The following CFAP20DC variants were observed in gnomAD, a reference collection of about 807,000 sequenced individuals.
CFAP20DC encodes the protein protein CFAP20DC.
A neutral mutation model predicts 101.7 loss-of-function variants in CFAP20DC; 84 were observed. The ratio of observed to expected loss-of-function variants is 0.83; its 90% CI spans 0.69 to 0.99. The LOEUF is 0.99. Among genes scored for constraint, CFAP20DC ranks in the 50% least tolerant of loss-of-function variants. The pLI is 0.00. For synonymous variants in CFAP20DC, 359 were observed against 351.2 expected, an observed-to-expected ratio of 1.02 and a Z score of -0.25; for missense variants, 1,007 against 970.3, an observed-to-expected ratio of 1.04 and a Z score of -0.50.
In CFAP20DC at chr3:58,919,887, T is replaced by C. The variant is rs145436969; in HGVS notation, c.394-6023A>G. Among the ~76,000 whole-genome samples, 77 of 152,214 alleles carry C rather than the reference T, an allele frequency of 5.1e-4. 1 individual carries two copies. Among genetic ancestry groups the C allele is most frequent in the African/African-American group, 1.8e-3 (76 of 41,562 alleles). ...ACTCTGCTAAACTCATTTACTCTAG[T>C]AGGTTGTTTTGTTTTTATAGATTCC... is the stretch of plus-strand genomic sequence containing the variant. On this transcript the variant is annotated intron_variant, in intron 5 of 16. Transcript: ENST00000482387.
chr3:58,841,281 G>A (rs139799169), intron 13 of CFAP20DC, among the ~76,000 whole-genome samples: 118 of 152,246 alleles, frequency 7.8e-4, no homozygotes, highest in African/African-American at 2.6e-3. Context: ...CAAACAATGG[G>A]GTATTGTTGG....
At chr3:58,812,221 C>T (rs563289840) in intron 14 of CFAP20DC, among the ~76,000 whole-genome samples, 2 of 151,994 alleles carry the variant, frequency 1.3e-5, no homozygotes, top group African/African-American at 4.8e-5. Context: ...ACCCAAAGGA[C>T]TATAAATCAT....
intron 16 of CFAP20DC, 158 bp downstream of exon 16, chr3:58,753,611 T>C: frequency 1.7e-6 from 1 of 594,030 alleles, no homozygotes; most frequent in Non-Finnish European, 3.0e-6. Flanking sequence ...AAAGAACCCA[T>C]TATTCTAAAA....
intron 15 of CFAP20DC, among the ~76,000 whole-genome samples, chr3:58,775,495 C>T (rs2071242215): frequency 6.6e-6 from 1 of 152,044 alleles, no homozygotes; most frequent in African/African-American, 2.4e-5. Flanking sequence ...CAAATAGTTT[C>T]ATTATGAAAA....
intron 4 of CFAP20DC, among the ~76,000 whole-genome samples, chr3:58,954,631 C>G (rs2090457832): frequency 6.6e-6 from 1 of 152,158 alleles, no homozygotes. Flanking sequence ...CTTACACATT[C>G]ATTCTAATGT....
At chr3:59,030,730 G>T (rs538496791) in intron 4 of CFAP20DC, among the ~76,000 whole-genome samples, 1 of 152,218 alleles carries the variant, frequency 6.6e-6, no homozygotes, top group African/African-American at 2.4e-5. Flanking sequence ...GGTTGACTCA[G>T]ATATCAACTG....
chr3:58,840,676 G>A (rs950636557), intron 13 of CFAP20DC, among the ~76,000 whole-genome samples: 36 of 152,194 alleles, frequency 2.4e-4, no homozygotes, highest in African/African-American at 8.7e-4. Flanking sequence ...AATTTGAGAA[G>A]GTTTCATTTG....
rs563829934 is a variant in CFAP20DC at position 58,828,704 on chromosome 3, C to G, written c.2175+2982G>C. The stretch of plus-strand genomic sequence containing the variant: ...AAAAGTAACTATTGGGTACTATGCT[C>G]AATACCTGCATGAATGAATCATTTG... On this transcript the variant is annotated intron_variant, in intron 14 of 16. Transcript: ENST00000482387. 6.8e-4 allele frequency among the ~76,000 whole-genome samples: 104 copies of G among 152,008 alleles called. No homozygotes were observed. The Middle Eastern group carries it at 0.01, about 15-fold the overall frequency.
chr3:58,896,081 C>T lies in CFAP20DC; in HGVS notation c.551-11372G>A, dbSNP rs115451867. ...TGCTTCAATTTCAGAACTTGTTATT[C>T]GCCTGTTCAGTGACTCAATTTCTTC... On this transcript the variant is annotated intron_variant, in intron 6 of 16. Coordinates refer to ENST00000482387, the MANE Select transcript of CFAP20DC (RefSeq NM_001394063.1). Among the ~76,000 whole-genome samples the T allele has an allele frequency of 3.7e-3, 566 of 152,250 alleles. 5 individuals are homozygous for T. The highest frequency in any genetic ancestry group is 0.013 in the African/African-American group (531 of 41,548).
chr3:58,834,195 T>C (rs1172599589), intron 13 of CFAP20DC, among the ~76,000 whole-genome samples: 2 of 152,178 alleles, frequency 1.3e-5, no homozygotes, highest in African/African-American at 4.8e-5. Context: ...TTTTATGGCA[T>C]ACAAATTATA....
Position 58,879,860 on chromosome 3 carries a change from G to A in CFAP20DC, c.715+4685C>T, listed in dbSNP as rs993100588. 5.3e-5 allele frequency among the ~76,000 whole-genome samples: 8 copies of A among 151,916 alleles called. No individual in the cohort carries two copies. The South Asian group carries it at 8.3e-4, about 16-fold the overall frequency. ...TCATACTCATATAGTGTAGATAACCGTATATTATGTATTTCCCTATTAAAC... is the reference window on the plus strand; with the variant it reads ...TCATACTCATATAGTGTAGATAACCATATATTATGTATTTCCCTATTAAAC... On this transcript the variant is annotated intron_variant, in intron 7 of 16. Transcript: ENST00000482387.
intron 5 of CFAP20DC, among the ~76,000 whole-genome samples, chr3:58,916,565 A>AGTATAT (rs1224452370): frequency 6.6e-6 from 1 of 152,150 alleles, no homozygotes; most frequent in Non-Finnish European, 1.5e-5. Context: ...GTGGGCATTG[A>AGTATAT]GTATATGTGT....
rs2079062680 is a variant in CFAP20DC at position 58,859,228 on chromosome 3, CTT to C, written c.1593+4328_1593+4329del. ...TTTGGCCAAATTACTTTCATGACAT[CTT>C]TACCTATAGCAAATGATACTTTACA... On this transcript the variant is annotated intron_variant, in intron 12 of 16. Transcript: ENST00000482387. The surrounding 1 kb of genome is among the most constrained non-coding windows in gnomAD (Gnocchi z 4.1). Among the ~76,000 whole-genome samples, 1 of 152,198 alleles carries C rather than the reference CTT, an allele frequency of 6.6e-6. No homozygotes were observed. The highest frequency in any genetic ancestry group is 1.5e-5 in the Non-Finnish European group (1 of 68,034).
Position 59,015,661 on chromosome 3 carries a change from T to C in CFAP20DC, c.278+23896A>G, listed in dbSNP as rs1559994718. On this transcript the variant is annotated intron_variant, in intron 4 of 16. Transcript: ENST00000482387. This position sits in a 1 kb window ranked among gnomAD's most constrained non-coding sequence, Gnocchi z 5.4. Reference sequence around the variant, plus strand: ...ACATTTACATCACTTTAGGAATTAGTTGCATTCCTGAATGTCTTTCATAAA... The same window carrying C: ...ACATTTACATCACTTTAGGAATTAGCTGCATTCCTGAATGTCTTTCATAAA... Among the ~76,000 whole-genome samples, 1 of 152,082 alleles carries C rather than the reference T, an allele frequency of 6.6e-6. No homozygotes were observed.
chr3:58,743,881 T>A (rs2068020853), intron 16 of CFAP20DC, among the ~76,000 whole-genome samples: 1 of 152,196 alleles, frequency 6.6e-6, no homozygotes, highest in Admixed American at 6.5e-5. Flanking sequence ...GCCACTCCTC[T>A]GCCCACTTTT....
At chr3:58,924,288 T>A (rs926223530) in intron 5 of CFAP20DC, among the ~76,000 whole-genome samples, 3 of 152,168 alleles carry the variant, frequency 2.0e-5, no homozygotes, top group African/African-American at 7.2e-5. Context: ...CATATGTACA[T>A]GTGTATCCAT....
At chr3:58,812,533 C>T (rs1233048316) in intron 14 of CFAP20DC, among the ~76,000 whole-genome samples, 1 of 150,576 alleles carries the variant, frequency 6.6e-6, no homozygotes, top group Non-Finnish European at 1.5e-5. Flanking sequence ...GGAAGGGGAA[C>T]ATCACAGTCT....
chr3:58,953,898 T>C (rs1267866514), intron 4 of CFAP20DC: 1 of 152,120 alleles, frequency 6.6e-6, no homozygotes, highest in Non-Finnish European at 1.5e-5. Flanking sequence ...AAAAACACCA[T>C]ATATGAGTTA....
Position 58,867,853 on chromosome 3 carries a change from T to C in CFAP20DC, c.1099A>G (p.Lys367Glu), listed in dbSNP as rs776779350. ...TCTGTCCTTTCTCTGCTGGTACTTT[T>C]TAACCGTAATCTTCTTCTGTTATTA... ...KNNNRRRLRLKSTSRERTETP... is the reference protein window; with the variant it reads ...KNNNRRRLRLESTSRERTETP... The change falls in exon 10 of 17, where the codon AAA (lysine) becomes GAA (glutamate). Residue 367 changes from lysine to glutamate, a missense_variant. By Grantham distance (56) the Lys-to-Glu change is moderately conservative. Transcript: ENST00000482387. 2.5e-6 allele frequency: 4 copies of C among 1,613,740 alleles called. No individual in the cohort carries two copies. Among genetic ancestry groups the C allele is most frequent in the Non-Finnish European group, 3.4e-6 (4 of 1,179,694 alleles).
Sources: gnomAD v4.1 joint callset for allele counts (sites outside exome capture counted in the v4.1 genomes callset) on GRCh38, gnomAD v4.1.1 for gene constraint, Gnocchi (gnomAD v3.1) non-coding constraint, MANE v1.5 for transcripts, NCBI Gene and HGNC (gene_info 2026-07-23, HGNC 2026-07-21) for gene names.